Variants in PARVA observed in about 807,000 individuals in gnomAD.
PARVA encodes the protein parvin alpha.
In PARVA, 25 loss-of-function variants were observed where a neutral mutation model predicts 52.6. The observed-to-expected ratio is 0.48, with a 90% confidence interval of 0.35 to 0.66. The LOEUF is 0.66. Ranked by LOEUF, PARVA falls within the 30% of genes least tolerant of loss-of-function variation. The pLI, the probability that PARVA is intolerant of heterozygous loss-of-function variation, is 0.01. For missense variants in PARVA, 373 were observed against 450.9 expected, an observed-to-expected ratio of 0.83 and a Z score of 1.56; for synonymous variants, 185 against 179.1, an observed-to-expected ratio of 1.03 and a Z score of -0.26.
chr11:12,460,842 G>C (rs139105209), intron 1 of PARVA, among the ~76,000 whole-genome samples: 6 of 152,146 alleles, frequency 3.9e-5, no homozygotes, highest in African/African-American at 1.4e-4. Context: ...GCATGAAGAC[G>C]AAGGCCAGTG....
intron 10 of PARVA, among the ~76,000 whole-genome samples, chr11:12,516,537 G>T (rs1303677430): frequency 6.6e-6 from 1 of 152,146 alleles, no homozygotes; most frequent in Admixed American, 6.5e-5. Flanking sequence ...GGACTCTCCT[G>T]TCCCTTGGGC....
At chr11:12,493,656 C>T (rs187589057) in intron 4 of PARVA, among the ~76,000 whole-genome samples, 27 of 150,424 alleles carry the variant, frequency 1.8e-4, no homozygotes, top group Non-Finnish European at 3.5e-4. Flanking sequence ...GAATGCACTA[C>T]AATTTTAGTA....
chr11:12,470,046 T>C (rs532004065), intron 1 of PARVA, among the ~76,000 whole-genome samples: 17 of 152,368 alleles, frequency 1.1e-4, no homozygotes, highest in African/African-American at 3.1e-4. Flanking sequence ...CCTTATAAAA[T>C]GTAAGCTGGA....
intron 1 of PARVA, among the ~76,000 whole-genome samples, chr11:12,433,565 A>T (rs1211459350): frequency 6.6e-6 from 1 of 152,162 alleles, no homozygotes; most frequent in East Asian, 1.9e-4. Flanking sequence ...GAAATAAAAG[A>T]GGCATTTCAT....
chr11:12,427,348 C>T (rs1940251927), intron 1 of PARVA, among the ~76,000 whole-genome samples: 1 of 152,236 alleles, frequency 6.6e-6, no homozygotes, highest in Non-Finnish European at 1.5e-5. Context: ...TACCCTTTCA[C>T]TTGCTCCCCT....
rs183986814 is a variant in PARVA, at chr11:12,390,232, T to C, written c.136+12449T>C. On this transcript the variant is annotated intron_variant, in intron 1 of 12. Coordinates refer to ENST00000334956, the MANE Select transcript of PARVA (RefSeq NM_018222.5). Reference sequence around the variant, plus strand: ...TGACTTTCCAATTCAAAACGATTATTCTGAAAGCATTTTCTGTCTTGGCTA... The same window carrying C: ...TGACTTTCCAATTCAAAACGATTATCCTGAAAGCATTTTCTGTCTTGGCTA... 3.3e-4 allele frequency among the ~76,000 whole-genome samples: 50 copies of C among 152,330 alleles called. No homozygotes were observed. In the East Asian group the frequency reaches 5.8e-3, roughly 18 times the overall value.
At position 12,533,668 on chromosome 11, in the gene PARVA, A is replaced by G. The variant is rs923189748; in HGVS notation, c.*5743A>G. 6.6e-6 allele frequency among the ~76,000 whole-genome samples: 1 copy of G among 152,194 alleles called. No individual in the cohort carries two copies. The highest frequency in any genetic ancestry group is 1.9e-4 in the East Asian group (1 of 5,200). On this transcript the variant is annotated 3_prime_UTR_variant, in exon 13 of 13. Coordinates refer to ENST00000334956, the MANE Select transcript of PARVA (RefSeq NM_018222.5). ...ACATAGCTAGTATGTTATGTGCATT[A>G]TATACTATATCCTTACCATACGGTA...
At chr11:12,408,426 C>T (rs752230604) in intron 1 of PARVA, among the ~76,000 whole-genome samples, 13 of 152,194 alleles carry the variant, frequency 8.5e-5, no homozygotes, top group Non-Finnish European at 2.9e-5. Context: ...TCTCAGGAGG[C>T]CTCTGTCTTG....
At position 12,377,860 on chromosome 11, in the gene PARVA, A is replaced by G. The variant is rs1939422963; in HGVS notation, c.136+77A>G. Reference sequence around the variant, plus strand: ...GGGGCCGAGGGGCCGGGGCACTGGGACCGGGCGGGAGCGCGCCGCGGGTGC... The same window carrying G: ...GGGGCCGAGGGGCCGGGGCACTGGGGCCGGGCGGGAGCGCGCCGCGGGTGC... On this transcript the variant is annotated intron_variant, in intron 1 of 12. Transcript: ENST00000334956. 3 of 1,140,818 alleles carry G rather than the reference A, an allele frequency of 2.6e-6. No homozygotes were observed. The South Asian group carries it at 7.4e-5, about 28-fold the overall frequency. 70.7% of individuals were successfully genotyped at this position (1,140,818 alleles called of 1,614,324 possible).
At chr11:12,462,150 C>T (rs1410965538) in intron 1 of PARVA, among the ~76,000 whole-genome samples, 1 of 152,148 alleles carries the variant, frequency 6.6e-6, no homozygotes, top group African/African-American at 2.4e-5. Flanking sequence ...AAGAACAGAA[C>T]TTGTTCCCTT....
At chr11:12,442,028 A>C (rs907286068) in intron 1 of PARVA, among the ~76,000 whole-genome samples, 1 of 152,258 alleles carries the variant, frequency 6.6e-6, no homozygotes, top group Non-Finnish European at 1.5e-5. Context: ...AGAGAGACTC[A>C]GAGTTGGAAG....
At position 12,532,824 on chromosome 11, in the gene PARVA, G is replaced by C. The variant is rs1941788719; in HGVS notation, c.*4899G>C. Among the ~76,000 whole-genome samples the C allele has an allele frequency of 6.6e-6, 1 of 152,212 alleles. No individual in the cohort carries two copies. The highest frequency in any genetic ancestry group is 6.5e-5 in the Admixed American group (1 of 15,284). On this transcript the variant is annotated 3_prime_UTR_variant, in exon 13 of 13. Coordinates refer to ENST00000334956, the MANE Select transcript of PARVA (RefSeq NM_018222.5). ...GGAGTGCGGAAAGCCAGCATGGCTA[G>C]AGGACACAGAATGAGGGAGAAGACG...
chr11:12,524,833 G>A (rs1941680523), intron 12 of PARVA, among the ~76,000 whole-genome samples: 1 of 152,238 alleles, frequency 6.6e-6, no homozygotes, highest in Non-Finnish European at 1.5e-5. Context: ...CAGGACAGAG[G>A]CAGATGTTAA....
At chr11:12,400,146 T>G (rs1437746555) in intron 1 of PARVA, among the ~76,000 whole-genome samples, 1 of 152,200 alleles carries the variant, frequency 6.6e-6, no homozygotes, top group Non-Finnish European at 1.5e-5. Flanking sequence ...TTCAAATTAC[T>G]TTTTAAAAGG....
intron 1 of PARVA, among the ~76,000 whole-genome samples, chr11:12,383,212 C>G (rs1048146385): frequency 6.6e-6 from 1 of 152,158 alleles, no homozygotes; most frequent in Non-Finnish European, 1.5e-5. Context: ...AATTCCATTT[C>G]TGTTGGACAT....
At chr11:12,470,519 G>C (rs760334153) in intron 1 of PARVA, among the ~76,000 whole-genome samples, 1 of 152,224 alleles carries the variant, frequency 6.6e-6, no homozygotes, top group African/African-American at 2.4e-5. Context: ...GGATATGAAC[G>C]TAGGCAGCTT....
At chr11:12,522,789 TAA>T (rs59606718) in intron 12 of PARVA, among the ~76,000 whole-genome samples, 241 of 147,452 alleles carry the variant, frequency 1.6e-3, no homozygotes, top group African/African-American at 4.4e-3. Flanking sequence ...GTAAAACTGT[TAA>T]AAAAAAAAAA....
chr11:12,391,599 A>C (rs1939660159), intron 1 of PARVA, among the ~76,000 whole-genome samples: 1 of 152,200 alleles, frequency 6.6e-6, no homozygotes, highest in Non-Finnish European at 1.5e-5. Flanking sequence ...TGTGGACGAC[A>C]ATTTCATCTC....
chr11:12,426,181 C>T (rs1398451012), intron 1 of PARVA, among the ~76,000 whole-genome samples: 2 of 152,134 alleles, frequency 1.3e-5, no homozygotes, highest in Non-Finnish European at 2.9e-5. Flanking sequence ...ATGACATGGA[C>T]CATTAAAGTT....
Sources: allele counts gnomAD v4.1 joint callset (sites outside exome capture counted in the v4.1 genomes callset), GRCh38; gene constraint gnomAD v4.1.1; transcripts MANE v1.5; gene names NCBI Gene and HGNC (gene_info 2026-07-23, HGNC 2026-07-21).